Variants in CDH8 observed in about 807,000 individuals in gnomAD.
The protein encoded by CDH8 is cadherin 8.
A neutral mutation model predicts 68.1 loss-of-function variants in CDH8; 17 were observed. That is an observed-to-expected ratio of 0.25 (90% CI 0.17 to 0.37). The LOEUF (loss-of-function observed/expected upper bound fraction) is 0.37, where lower values mean the gene tolerates loss of function less well. Ranked by LOEUF, CDH8 falls within the 10% of genes least tolerant of loss-of-function variation. The probability of loss-of-function intolerance (pLI) is 1.00; values close to 1 mark genes in which losing one functional copy is unlikely to be tolerated. For synonymous variants in CDH8, 372 were observed against 365.1 expected (o/e 1.02, Z -0.21); for missense variants, 763 against 999.3 (o/e 0.76, Z 3.19).
rs571754390 is a variant in CDH8 at position 61,872,494 on chromosome 16, T to C, written c.548-15256A>G. On this transcript the variant is annotated intron_variant, in intron 3 of 11. Coordinates refer to ENST00000577390, the MANE Select transcript of CDH8 (RefSeq NM_001796.5). ...ATTGACAATTGGTTGAAGGAGTTAT[T>C]ATCAATACAAAGGAATGCCTGGATT... is the stretch of plus-strand genomic sequence containing the variant. Among the ~76,000 whole-genome samples the C allele has an allele frequency of 1.1e-4, 16 of 152,310 alleles. No individual in the cohort carries two copies. The East Asian group carries it at 2.9e-3, about 28-fold the overall frequency.
intron 10 of CDH8, among the ~76,000 whole-genome samples, chr16:61,696,304 G>T (rs1192832632): frequency 1.3e-5 from 2 of 152,210 alleles, no homozygotes; most frequent in South Asian, 2.1e-4. Context: ...CCAGTGGAAA[G>T]TGGGGAATTA....
chr16:61,868,218 G>A (rs188900480), intron 3 of CDH8, among the ~76,000 whole-genome samples: 1 of 152,226 alleles, frequency 6.6e-6, no homozygotes, highest in East Asian at 1.9e-4. Flanking sequence ...ACACTATAAT[G>A]TTTCTGAATT....
In CDH8 at chr16:61,652,457, T is replaced by C; in HGVS notation, c.*1151A>G. 1.0e-6 allele frequency: 1 copy of C among 986,734 alleles called. No individual in the cohort carries two copies. The highest frequency in any genetic ancestry group is 1.1e-4 in the East Asian group (1 of 8,966). The allele number at this position is 986,734 out of a possible 1,614,324, so 61.1% of individuals were successfully genotyped here. ...TGCTTGTAGTAAAAACACCAAATAC[T>C]AGGATTATGAACAAAATAGAAAACA... On this transcript the variant is annotated 3_prime_UTR_variant, in exon 12 of 12. Coordinates refer to ENST00000577390, the MANE Select transcript of CDH8 (RefSeq NM_001796.5).
At chr16:62,031,177 C>T (rs963204765) in intron 1 of CDH8, among the ~76,000 whole-genome samples, 2 of 152,104 alleles carry the variant, frequency 1.3e-5, no homozygotes, top group African/African-American at 4.8e-5. Context: ...GAGGCATTCT[C>T]ATTTTTACAA....
chr16:61,652,642 A>G lies in CDH8; in HGVS notation c.*966T>C. On this transcript the variant is annotated 3_prime_UTR_variant, in exon 12 of 12. Coordinates refer to ENST00000577390, the MANE Select transcript of CDH8 (RefSeq NM_001796.5). ...TTAAACATTCATTGTATATATATTT[A>G]TATAAAACAATCTAAAGGATTATTA... 1 of 1,101,148 alleles carries G rather than the reference A, an allele frequency of 9.1e-7. No individual in the cohort carries two copies. The highest frequency in any genetic ancestry group is 1.1e-6 in the Non-Finnish European group (1 of 872,500). 68.2% of individuals were successfully genotyped at this position (1,101,148 alleles called of 1,614,324 possible).
At chr16:61,862,941 A>G (rs2143018899) in intron 3 of CDH8, among the ~76,000 whole-genome samples, 1 of 152,302 alleles carries the variant, frequency 6.6e-6, no homozygotes, top group Non-Finnish European at 1.5e-5. Context: ...TGTCAAGGAT[A>G]CAAGAGACTC....
intron 9 of CDH8, among the ~76,000 whole-genome samples, chr16:61,718,879 C>T (rs1402375063): frequency 6.6e-6 from 1 of 150,896 alleles, no homozygotes; most frequent in African/African-American, 2.4e-5. Flanking sequence ...AATAGATAGG[C>T]ATACAAGACA....
Position 61,655,681 on chromosome 16 carries a change from G to A in CDH8, c.1695C>T (p.Asn565=), listed in dbSNP as rs867920571. The A allele has an allele frequency of 1.9e-6, 3 of 1,613,846 alleles. No individual in the cohort carries two copies. The highest frequency in any genetic ancestry group is 1.3e-5 in the African/African-American group (1 of 74,922). The change falls in exon 11 of 12, where the codon AAC becomes AAT. Residue 565 remains asparagine, a synonymous_variant. Transcript: ENST00000577390. ...LSILAKHNGF[N]RQKQEVYLLP... is the part of the protein sequence containing the mutation. Reference sequence around the variant, plus strand: ...AAAGATAGACTTCTTGCTTCTGGCGGTTGAATCCATTATGCTTTGCCAAAA... The same window carrying A: ...AAAGATAGACTTCTTGCTTCTGGCGATTGAATCCATTATGCTTTGCCAAAA...
At chr16:61,781,689 G>C (rs1961059892) in intron 8 of CDH8, among the ~76,000 whole-genome samples, 1 of 152,156 alleles carries the variant, frequency 6.6e-6, no homozygotes, top group Admixed American at 6.5e-5. Context: ...CATTAAAGAA[G>C]ACTGGATTTT....
intron 10 of CDH8, among the ~76,000 whole-genome samples, chr16:61,685,983 C>T: frequency 6.6e-6 from 1 of 151,940 alleles, no homozygotes; most frequent in East Asian, 1.9e-4. Flanking sequence ...GAATCTAGCA[C>T]TGAGGCTGTA....
chr16:61,881,021 G>A (rs1963565153), intron 3 of CDH8, among the ~76,000 whole-genome samples: 1 of 152,096 alleles, frequency 6.6e-6, no homozygotes, highest in Non-Finnish European at 1.5e-5. Context: ...AGATCTGAAT[G>A]CTGCCAACAG....
Position 62,013,237 on chromosome 16 carries a change from G to A in CDH8, c.252+7915C>T, listed in dbSNP as rs1295100168. 2.7e-4 allele frequency among the ~76,000 whole-genome samples: 7 copies of A among 25,492 alleles called. 3 individuals carry two copies. The highest frequency in any genetic ancestry group is 8.9e-4 in the Admixed American group (2 of 2,256). The allele number at this position is 25,492 out of a possible 152,430, so 16.7% of individuals were successfully genotyped here. On this transcript the variant is annotated intron_variant, in intron 2 of 11. Transcript: ENST00000577390. ...GCCACTGCAGTCCGCAGTCCGGCCT[G>A]GGCGACAGAGCGAGACTCCGTCTCA...
intron 3 of CDH8, among the ~76,000 whole-genome samples, chr16:61,897,412 C>T (rs1311039299): frequency 6.6e-6 from 1 of 152,110 alleles, no homozygotes; most frequent in Non-Finnish European, 1.5e-5. Flanking sequence ...GCCACCACAC[C>T]CAGCTAATTT....
chr16:61,848,652 T>C (rs570384090), intron 4 of CDH8, among the ~76,000 whole-genome samples: 2 of 152,060 alleles, frequency 1.3e-5, no homozygotes, highest in Non-Finnish European at 2.9e-5. Context: ...CTCTTAACTA[T>C]GAAATGAGCC....
rs1902077143 is a variant in CDH8 at position 62,021,567 on chromosome 16, C to T, written c.-164G>A. ...CATCATCTAAGCAGCTTTTCTAAGA[C>T]CACAATCCATTGGCTTTTCTTTTCA... On this transcript the variant is annotated 5_prime_UTR_variant, in exon 2 of 12. The change creates a premature stop within an existing upstream ORF in the 5' untranslated region. Coordinates refer to ENST00000577390, the MANE Select transcript of CDH8 (RefSeq NM_001796.5). 6.5e-6 allele frequency: 9 copies of T among 1,381,500 alleles called. No individual in the cohort carries two copies. Among genetic ancestry groups the T allele is most frequent in the Non-Finnish European group, 7.5e-6 (8 of 1,071,358 alleles). The allele number at this position is 1,381,500 out of a possible 1,614,324, so 85.6% of individuals were successfully genotyped here. A position where few individuals can be genotyped will look rare whatever the true frequency, so the allele number is the denominator to read the frequency against.
chr16:62,019,648 A>C (rs991311541), intron 2 of CDH8, among the ~76,000 whole-genome samples: 2 of 152,178 alleles, frequency 1.3e-5, no homozygotes, highest in Non-Finnish European at 2.9e-5. Context: ...TATGACTATA[A>C]TAGCCTCAAG....
chr16:61,845,379 A>G (rs1012755781), intron 4 of CDH8, among the ~76,000 whole-genome samples: 3 of 152,048 alleles, frequency 2.0e-5, no homozygotes, highest in African/African-American at 4.8e-5. Context: ...TCTAAGATAA[A>G]TAATACCACA....
intron 2 of CDH8, among the ~76,000 whole-genome samples, chr16:61,983,509 A>G (rs8058174): frequency 0.62 from 94,271 of 152,022 alleles, 29,551 homozygotes; most frequent in East Asian, 0.75. Context: ...TCTGTCTTCC[A>G]AGATAATACC....
intron 8 of CDH8, among the ~76,000 whole-genome samples, chr16:61,741,000 G>C (rs772699803): frequency 2.0e-5 from 3 of 151,956 alleles, no homozygotes; most frequent in Non-Finnish European, 2.9e-5. Flanking sequence ...CTTACCCTCT[G>C]ACCAGCACTG....
Sources: gnomAD v4.1 joint callset for allele counts (sites outside exome capture counted in the v4.1 genomes callset) on GRCh38, gnomAD v4.1.1 for gene constraint, MANE v1.5 for transcripts, NCBI Gene and HGNC (gene_info 2026-07-23, HGNC 2026-07-21) for gene names.